Variants in TANC2 observed in about 807,000 individuals in gnomAD.
TANC2 encodes the protein tetratricopeptide repeat, ankyrin repeat and coiled-coil containing 2, also known as protein TANC2.
In TANC2, 26 loss-of-function variants were observed where a neutral mutation model predicts 210.5. The observed-to-expected ratio is 0.12, with a 90% CI of 0.09 to 0.17. The LOEUF is 0.17. Ranked by LOEUF, TANC2 falls within the 10% of genes least tolerant of loss-of-function variation. The pLI is 1.00. For missense variants in TANC2, 2,129 were observed against 2,608.9 expected (o/e 0.82, Z 4.01); for synonymous variants, 931 against 967.1 (o/e 0.96, Z 0.69).
At chr17:63,248,396 A>G (rs2042972254) in intron 8 of TANC2, among the ~76,000 whole-genome samples, 2 of 152,136 alleles carry the variant, frequency 1.3e-5, no homozygotes, top group South Asian at 4.1e-4. Flanking sequence ...GGAATGATGA[A>G]TGCCAGTAAT....
intron 7 of TANC2, among the ~76,000 whole-genome samples, chr17:63,237,434 A>T (rs1275358467): frequency 6.6e-6 from 1 of 151,996 alleles, no homozygotes. Flanking sequence ...CACTCTGCTG[A>T]TTATTTCTTT....
chr17:62,972,653 T>C (rs1454907106), intron 1 of TANC2, among the ~76,000 whole-genome samples: 2 of 152,224 alleles, frequency 1.3e-5, no homozygotes, highest in Non-Finnish European at 2.9e-5. Context: ...AATCTTTCAC[T>C]GGCTCCTCAT....
intron 5 of TANC2, among the ~76,000 whole-genome samples, chr17:63,174,025 T>G (rs971843532): frequency 6.6e-6 from 1 of 152,212 alleles, no homozygotes; most frequent in Non-Finnish European, 1.5e-5. Context: ...CATCCTCCCC[T>G]ACAGCCACTT....
intron 2 of TANC2, among the ~76,000 whole-genome samples, chr17:63,055,899 G>A (rs1249689221): frequency 2.1e-5 from 3 of 142,304 alleles, no homozygotes; most frequent in African/African-American, 7.7e-5. Flanking sequence ...AGACCAAGGT[G>A]GGAGGATCAC....
At chr17:63,400,668 G>T (rs2048314929) in intron 19 of TANC2, among the ~76,000 whole-genome samples, 1 of 151,386 alleles carries the variant, frequency 6.6e-6, no homozygotes, top group African/African-American at 2.4e-5. Flanking sequence ...TTTTGAGACG[G>T]AGTCTCACTC....
At chr17:63,314,019 T>C (rs1237204560) in intron 9 of TANC2, among the ~76,000 whole-genome samples, 3 of 152,212 alleles carry the variant, frequency 2.0e-5, no homozygotes, top group Non-Finnish European at 4.4e-5. Context: ...TAAAAGGTTA[T>C]CCCGTGGCGT....
At chr17:62,994,298 C>T (rs1423720241) in intron 1 of TANC2, among the ~76,000 whole-genome samples, 1 of 151,706 alleles carries the variant, frequency 6.6e-6, no homozygotes, top group Non-Finnish European at 1.5e-5. Flanking sequence ...TCTCCTGCCT[C>T]AGCCTCCTGA....
At chr17:63,085,689 A>C (rs1292848633) in intron 3 of TANC2, among the ~76,000 whole-genome samples, 1 of 151,876 alleles carries the variant, frequency 6.6e-6, no homozygotes, top group Non-Finnish European at 1.5e-5. Context: ...GTGTGTCTGT[A>C]TGTGTGTGTG....
At chr17:63,360,300 C>T (rs1012449395) in intron 14 of TANC2, among the ~76,000 whole-genome samples, 1 of 152,112 alleles carries the variant, frequency 6.6e-6, no homozygotes, top group Non-Finnish European at 1.5e-5. Context: ...CAGAGCAGAC[C>T]CTTAAACTGG....
At chr17:63,313,834 T>G (rs2045214214) in intron 9 of TANC2, among the ~76,000 whole-genome samples, 2 of 152,226 alleles carry the variant, frequency 1.3e-5, no homozygotes, top group African/African-American at 4.8e-5. Context: ...CTATACTGCT[T>G]TCTTCAGGAC....
intron 4 of TANC2, among the ~76,000 whole-genome samples, chr17:63,137,853 A>C (rs2039144125): frequency 6.6e-6 from 1 of 152,206 alleles, no homozygotes; most frequent in African/African-American, 2.4e-5. Context: ...TTTGAAAGAA[A>C]GAGGGCTAAA....
intron 7 of TANC2, among the ~76,000 whole-genome samples, chr17:63,235,830 A>G (rs907324909): frequency 6.6e-6 from 1 of 152,054 alleles, no homozygotes; most frequent in African/African-American, 2.4e-5. Context: ...CTTGTTTTAT[A>G]ATTATTGCTA....
chr17:63,148,484 G>T (rs953379808), intron 4 of TANC2: 1 of 152,078 alleles, frequency 6.6e-6, no homozygotes, highest in Admixed American at 6.6e-5. Flanking sequence ...AGATTTTTCA[G>T]ATCACTCTAC....
chr17:63,248,869 A>T (rs1197707072), intron 8 of TANC2, among the ~76,000 whole-genome samples: 1 of 152,158 alleles, frequency 6.6e-6, no homozygotes, highest in African/African-American at 2.4e-5. Flanking sequence ...ATGGTGAATT[A>T]TTTTTAAAAA....
intron 8 of TANC2, among the ~76,000 whole-genome samples, chr17:63,244,439 C>T (rs2042861092): frequency 1.3e-5 from 2 of 152,188 alleles, no homozygotes; most frequent in South Asian, 2.1e-4. Context: ...GAAAGCATTT[C>T]TCTTTTCTGC....
intron 9 of TANC2, among the ~76,000 whole-genome samples, chr17:63,290,559 A>G (rs2044354338): frequency 6.6e-6 from 1 of 152,166 alleles, no homozygotes; most frequent in African/African-American, 2.4e-5. Flanking sequence ...AATGCTTTCA[A>G]GGCAATAAGT....
chr17:63,151,334 A>G, exon 5 of TANC2: 7 of 985,838 alleles, frequency 7.1e-6, no homozygotes, highest in Non-Finnish European at 8.4e-6. Flanking sequence ...TTGGCTCACC[A>G]ACCCTCACTT....
chr17:62,967,958 A>G (rs2031455414), intron 1 of TANC2, among the ~76,000 whole-genome samples: 1 of 152,220 alleles, frequency 6.6e-6, no homozygotes, highest in South Asian at 2.1e-4. Flanking sequence ...TAAAACGTTA[A>G]ACATTCTCTT....
intron 5 of TANC2, among the ~76,000 whole-genome samples, chr17:63,186,526 G>A (rs960316755): frequency 2.0e-5 from 3 of 151,714 alleles, no homozygotes; most frequent in Non-Finnish European, 4.4e-5. Flanking sequence ...CTAATTTTTT[G>A]TATTTTTAGT....
Sources: gnomAD v4.1 joint callset for allele counts (sites outside exome capture counted in the v4.1 genomes callset) on GRCh38, gnomAD v4.1.1 for gene constraint, MANE v1.5 for transcripts, NCBI Gene and HGNC (gene_info 2026-07-23, HGNC 2026-07-21) for gene names.